SPAG17: variants seen among roughly 807,000 people sequenced by gnomAD.
SPAG17 encodes sperm-associated antigen 17.
In SPAG17, 169 loss-of-function variants were observed where a neutral mutation model predicts 273.6. That is an observed-to-expected ratio of 0.62 (90% CI 0.55 to 0.70). The LOEUF is 0.70. SPAG17 is among the 30% of genes least tolerant of loss of function. The pLI, the probability that SPAG17 is intolerant of heterozygous loss-of-function variation, is 0.00. For synonymous variants in SPAG17, 825 were observed against 873.2 expected, an observed-to-expected ratio of 0.94 and a Z score of 0.97; for missense variants, 2,557 against 2,627.8, an observed-to-expected ratio of 0.97 and a Z score of 0.59.
chr1:118,072,811 C>G (rs920029123), intron 17 of SPAG17, among the ~76,000 whole-genome samples: 1 of 151,902 alleles, frequency 6.6e-6, no homozygotes, highest in Non-Finnish European at 1.5e-5. Flanking sequence ...GGTGGGTGAG[C>G]CTGTACCTGT....
chr1:118,111,634 G>T (rs1407852851), intron 4 of SPAG17, among the ~76,000 whole-genome samples: 1 of 149,250 alleles, frequency 6.7e-6, no homozygotes. Flanking sequence ...TCGGAGTTTG[G>T]ACTGGAGGAA....
At position 118,072,796 on chromosome 1, in the gene SPAG17, G is replaced by A. The variant is rs1462594871; in HGVS notation, c.2385+1058C>T. On this transcript the variant is annotated intron_variant, in intron 17 of 48. Coordinates refer to ENST00000336338, the MANE Select transcript of SPAG17 (RefSeq NM_206996.4). ...AGAATGGAGAAGTGCTAATGTGAAT[G>A]TGGGGGTGGGTGAGCCTGTACCTGT... Among the ~76,000 whole-genome samples, 3 of 152,144 alleles carry A rather than the reference G, an allele frequency of 2.0e-5. No homozygotes were observed. In the East Asian group the frequency reaches 5.8e-4, roughly 29 times the overall value.
chr1:117,967,044 GA>G (rs1336698958), intron 46 of SPAG17, among the ~76,000 whole-genome samples: 30 of 152,110 alleles, frequency 2.0e-4, no homozygotes, highest in Admixed American at 2.0e-3. Context: ...AAGTGGAACT[GA>G]AGGCAAAATT....
rs1352743529 is a variant in SPAG17, at chr1:118,015,956, T to C, written c.4287+9A>G. The C allele has an allele frequency of 2.0e-5, 33 of 1,612,948 alleles. No individual in the cohort carries two copies. In the South Asian group the frequency reaches 3.6e-4, roughly 18 times the overall value. ...AGAAAATTTTGCAATAAACAATAGT[T>C]TGTCATACCGTTCCATTGACAGGAT... On this transcript the variant is annotated intron_variant, in intron 29 of 48. Coordinates refer to ENST00000336338, the MANE Select transcript of SPAG17 (RefSeq NM_206996.4).
At chr1:118,158,254 C>T (rs1181932186) in intron 1 of SPAG17, among the ~76,000 whole-genome samples, 1 of 152,106 alleles carries the variant, frequency 6.6e-6, no homozygotes, top group Non-Finnish European at 1.5e-5. Flanking sequence ...GCAAGTCTGC[C>T]AGAGACATTA....
Position 118,185,214 on chromosome 1 carries a change from C to T in SPAG17, c.-57G>A, listed in dbSNP as rs1661137565. On this transcript the variant is annotated 5_prime_UTR_variant, in exon 1 of 49. Coordinates refer to ENST00000336338, the MANE Select transcript of SPAG17 (RefSeq NM_206996.4). ...CTGGGCGCAGGCCCTGCCTAAGCGT[C>T]CCCGCTACCACAGTAACCGAAGCCA... 7.1e-7 allele frequency: 1 copy of T among 1,407,006 alleles called. No homozygotes were observed. The highest frequency in any genetic ancestry group is 1.0e-6 in the Non-Finnish European group (1 of 992,150). 87.2% of individuals were successfully genotyped at this position (1,407,006 alleles called of 1,614,324 possible).
At chr1:118,156,739 T>C (rs1659667718) in intron 1 of SPAG17, among the ~76,000 whole-genome samples, 1 of 152,194 alleles carries the variant, frequency 6.6e-6, no homozygotes, top group Admixed American at 6.5e-5. Flanking sequence ...GGCATCTTGA[T>C]GGCCTGCTCC....
intron 42 of SPAG17, among the ~76,000 whole-genome samples, chr1:117,981,851 C>T (rs1277633321): frequency 6.6e-6 from 1 of 152,076 alleles, no homozygotes; most frequent in African/African-American, 2.4e-5. Context: ...GAAATAGGTA[C>T]AATAGGAAAC....
intron 44 of SPAG17, 88 bp downstream of exon 44, chr1:117,973,337 A>C: frequency 6.7e-7 from 1 of 1,503,356 alleles, no homozygotes. Flanking sequence ...AAAATCTACA[A>C]AAGGAGCAGG....
intron 18 of SPAG17, among the ~76,000 whole-genome samples, chr1:118,061,544 A>T (rs2102029534): frequency 6.6e-6 from 1 of 152,352 alleles, no homozygotes; most frequent in African/African-American, 2.4e-5. Context: ...GTATGGGTGT[A>T]TGGAATTGTT....
intron 1 of SPAG17, among the ~76,000 whole-genome samples, chr1:118,157,625 C>T (rs1458321487): frequency 6.6e-6 from 1 of 152,208 alleles, no homozygotes; most frequent in East Asian, 1.9e-4. Context: ...CTGTGGTGGC[C>T]CCTTGAAGAA....
At chr1:117,989,646 G>A (rs1012192750) in intron 38 of SPAG17, among the ~76,000 whole-genome samples, 1 of 152,126 alleles carries the variant, frequency 6.6e-6, no homozygotes, top group Non-Finnish European at 1.5e-5. Flanking sequence ...CATGATCTCT[G>A]CTCATTGCAA....
At chr1:118,072,473 G>A (rs1653696023) in intron 17 of SPAG17, among the ~76,000 whole-genome samples, 1 of 152,152 alleles carries the variant, frequency 6.6e-6, no homozygotes, top group Non-Finnish European at 1.5e-5. Flanking sequence ...TAGGGAATAT[G>A]GGAGAGATAT....
intron 38 of SPAG17, 71 bp downstream of exon 38, chr1:117,990,790 G>A (rs942821362): frequency 4.2e-5 from 41 of 968,786 alleles, no homozygotes; most frequent in East Asian, 1.3e-4. Context: ...GAGAATGACC[G>A]ATAAGTGTAT....
intron 3 of SPAG17, among the ~76,000 whole-genome samples, chr1:118,143,402 A>C (rs1414250852): frequency 6.6e-6 from 1 of 152,150 alleles, no homozygotes; most frequent in East Asian, 1.9e-4. Context: ...AAAGGTTGTT[A>C]AGATGGTTAA....
chr1:118,038,705 G>T (rs1029850444), intron 23 of SPAG17, among the ~76,000 whole-genome samples: 1 of 152,244 alleles, frequency 6.6e-6, no homozygotes, highest in Non-Finnish European at 1.5e-5. Context: ...CCAACTACAT[G>T]CTATTATGGA....
intron 17 of SPAG17, among the ~76,000 whole-genome samples, chr1:118,073,024 G>A (rs986047738): frequency 5.3e-5 from 8 of 152,084 alleles, no homozygotes; most frequent in Non-Finnish European, 1.2e-4. Context: ...GGTGGGGATG[G>A]GGGAAGGAGG....
chr1:117,966,788 C>A, intron 46 of SPAG17, 35 bp from the exon 47 acceptor site: 1 of 1,552,180 alleles, frequency 6.4e-7, no homozygotes, highest in South Asian at 1.2e-5. Flanking sequence ...GACCAGACAA[C>A]TCTGAGTTCA....
chr1:118,101,275 G>A (rs1656050090), intron 5 of SPAG17, among the ~76,000 whole-genome samples: 1 of 152,086 alleles, frequency 6.6e-6, no homozygotes, highest in Non-Finnish European at 1.5e-5. Flanking sequence ...AAGTAAATAA[G>A]TTGGGCATGG....
Sources: allele counts gnomAD v4.1 joint callset (sites outside exome capture counted in the v4.1 genomes callset), GRCh38; gene constraint gnomAD v4.1.1; transcripts MANE v1.5; gene names NCBI Gene and HGNC (gene_info 2026-07-23, HGNC 2026-07-21).